Variants in PLEKHM3 observed in about 807,000 individuals in gnomAD.
The protein encoded by PLEKHM3 is pleckstrin homology domain-containing family M member 3.
PLEKHM3 carries 45 observed loss-of-function variants against 81.8 expected under a neutral mutation model. The observed-to-expected ratio is 0.55, with a 90% confidence interval of 0.43 to 0.71. PLEKHM3 has a LOEUF of 0.71. Ranked by LOEUF, PLEKHM3 falls within the 30% of genes least tolerant of loss-of-function variation. The pLI, the probability that PLEKHM3 is intolerant of heterozygous loss-of-function variation, is 0.00. For synonymous variants in PLEKHM3, 352 were observed against 356.4 expected (o/e 0.99, Z 0.14); for missense variants, 788 against 924.3 (o/e 0.85, Z 1.91).
Position 207,860,963 on chromosome 2 carries a change from C to G in PLEKHM3, c.2108+142G>C, listed in dbSNP as rs535220243. 184 of 945,600 alleles carry G rather than the reference C, an allele frequency of 1.9e-4. 1 individual carries two copies. The South Asian group carries it at 3.1e-3, about 16-fold the overall frequency. The allele number at this position is 945,600 out of a possible 1,614,324, so 58.6% of individuals were successfully genotyped here. ...AAATACAGGAAACCAAAGGGGGAAA[C>G]ATGTTCTCCAAGAACAAGGAAAACC... On this transcript the variant is annotated intron_variant, in intron 7 of 7. Transcript: ENST00000427836.
At chr2:207,923,880 C>CATATATATATAT (rs1226187210) in intron 5 of PLEKHM3, among the ~76,000 whole-genome samples, 1 of 56,770 alleles carries the variant, frequency 1.8e-5, no homozygotes, top group African/African-American at 7.1e-5. Flanking sequence ...CACACACACA[C>CATATATATATAT]ATATATATAT....
At chr2:207,915,384 C>T (rs962115707) in intron 5 of PLEKHM3, among the ~76,000 whole-genome samples, 3 of 152,044 alleles carry the variant, frequency 2.0e-5, no homozygotes, top group African/African-American at 7.2e-5. Flanking sequence ...GACATTAGGT[C>T]AAATAAATCA....
intron 6 of PLEKHM3, among the ~76,000 whole-genome samples, chr2:207,890,997 A>T (rs1221265341): frequency 3.3e-5 from 5 of 152,216 alleles, no homozygotes; most frequent in African/African-American, 1.2e-4. Flanking sequence ...TTTTCTTATC[A>T]GTAATGTGAA....
intron 2 of PLEKHM3, among the ~76,000 whole-genome samples, chr2:207,983,215 C>G (rs563081782): frequency 7.9e-5 from 12 of 152,186 alleles, no homozygotes; most frequent in African/African-American, 2.2e-4. Context: ...CCACGCCCAG[C>G]TAATTTTTTG....
At chr2:207,883,313 ATCAGAG>A (rs2105855678) in intron 6 of PLEKHM3, among the ~76,000 whole-genome samples, 2 of 152,362 alleles carry the variant, frequency 1.3e-5, no homozygotes, top group South Asian at 4.1e-4. Flanking sequence ...GCATCAAAAC[ATCAGAG>A]TCCAATGGTG....
intron 7 of PLEKHM3, among the ~76,000 whole-genome samples, chr2:207,852,356 A>G (rs1274196400): frequency 6.6e-6 from 1 of 152,190 alleles, no homozygotes; most frequent in Non-Finnish European, 1.5e-5. Context: ...GAAAAATTAG[A>G]TAAGATATGT....
chr2:207,976,784 G>A lies in PLEKHM3; in HGVS notation c.1413C>T (p.Asn471=). The A allele has an allele frequency of 1.2e-6, 2 of 1,614,246 alleles. No individual in the cohort carries two copies. The highest frequency in any genetic ancestry group is 1.7e-6 in the Non-Finnish European group (2 of 1,180,050). The change falls in exon 3 of 8, where the codon AAC becomes AAT. Residue 471 remains asparagine (N), a synonymous_variant. Transcript: ENST00000427836. This position sits in a 1 kb window ranked among gnomAD's most constrained non-coding sequence, Gnocchi z 4.1. The stretch of plus-strand genomic sequence containing the variant: ...GCCCACCCATTTGATCCTTGGGTTT[G>A]TTCCTCAGTGTGACTTGCAGGTTTT... The part of the protein sequence containing the change: ...SEQNLQVTLR[N]KPKDQMGGHE...
At chr2:207,880,156 C>G (rs1169136134) in intron 6 of PLEKHM3, among the ~76,000 whole-genome samples, 1 of 151,826 alleles carries the variant, frequency 6.6e-6, no homozygotes, top group African/African-American at 2.4e-5. Context: ...CCTGCAATCT[C>G]AGCACTTAGG....
chr2:207,990,170 T>C (rs1197320954), intron 2 of PLEKHM3, among the ~76,000 whole-genome samples: 2 of 152,176 alleles, frequency 1.3e-5, no homozygotes, highest in Non-Finnish European at 2.9e-5. Flanking sequence ...CCAACTTCCA[T>C]ATTTCTTATT....
chr2:207,863,937 C>CA (rs2092482004), intron 6 of PLEKHM3, among the ~76,000 whole-genome samples: 1 of 150,420 alleles, frequency 6.6e-6, no homozygotes. Flanking sequence ...ATTAGAAAAG[C>CA]AAAAACACAA....
rs564743169 is a variant in PLEKHM3, at chr2:207,985,600, T to C, written c.611-8014A>G. On this transcript the variant is annotated intron_variant, in intron 2 of 7. Transcript: ENST00000427836. ...AATAAATACATTCAGATAAAGTAAT[T>C]AGGTATGTTCACATATGTTAGCATA... 5.3e-5 allele frequency among the ~76,000 whole-genome samples: 8 copies of C among 152,190 alleles called. No individual in the cohort carries two copies. The South Asian group carries it at 1.0e-3, about 20-fold the overall frequency.
At chr2:207,860,616 C>T (rs1424723211) in intron 7 of PLEKHM3, among the ~76,000 whole-genome samples, 1 of 152,150 alleles carries the variant, frequency 6.6e-6, no homozygotes, top group Non-Finnish European at 1.5e-5. Context: ...TTTTTCTCTC[C>T]TTTGGATCCT....
chr2:207,940,743 A>AT (rs1187150454), intron 4 of PLEKHM3, among the ~76,000 whole-genome samples: 1 of 152,204 alleles, frequency 6.6e-6, no homozygotes, highest in Non-Finnish European at 1.5e-5. Flanking sequence ...TCAATGGGGA[A>AT]TGGTGAGGAG....
intron 5 of PLEKHM3, among the ~76,000 whole-genome samples, chr2:207,913,232 C>A (rs1688864897): frequency 6.6e-6 from 1 of 151,892 alleles, no homozygotes; most frequent in South Asian, 2.1e-4. Context: ...ACCTGTGAGT[C>A]CAAGTGGGCG....
chr2:207,916,572 C>T (rs191381801), intron 5 of PLEKHM3, among the ~76,000 whole-genome samples: 37 of 152,074 alleles, frequency 2.4e-4, no homozygotes, highest in African/African-American at 8.9e-4. Flanking sequence ...GAAACTCCAT[C>T]TCTTCTAAAA....
At chr2:208,022,798 A>G (rs1407662246) in intron 1 of PLEKHM3, among the ~76,000 whole-genome samples, 1 of 152,228 alleles carries the variant, frequency 6.6e-6, no homozygotes, top group Admixed American at 6.5e-5. Context: ...ACTGTGCCAC[A>G]TAACATAATT....
chr2:207,875,584 T>C (rs1030261082), intron 6 of PLEKHM3, among the ~76,000 whole-genome samples: 3 of 152,174 alleles, frequency 2.0e-5, no homozygotes, highest in Admixed American at 6.5e-5. Context: ...TTCACACAAG[T>C]GTACAGGGAA....
At chr2:207,949,643 T>C (rs1486554648) in intron 3 of PLEKHM3, among the ~76,000 whole-genome samples, 1 of 152,166 alleles carries the variant, frequency 6.6e-6, no homozygotes, top group Non-Finnish European at 1.5e-5. Flanking sequence ...TTTCCAAAAA[T>C]TAGTAGACAA....
At position 207,827,569 on chromosome 2, in the gene PLEKHM3, C is replaced by T. The variant is rs745600753; in HGVS notation, c.*750G>A. On this transcript the variant is annotated 3_prime_UTR_variant, in exon 8 of 8. Transcript: ENST00000427836. ...ATTAGGTGGGTGATGGGATTAGTAC[C>T]GAAAAACAGACCGACAACACGCAGT... 5 of 152,150 alleles carry T rather than the reference C, an allele frequency of 3.3e-5. No individual in the cohort carries two copies. Among genetic ancestry groups the T allele is most frequent in the Non-Finnish European group, 7.3e-5 (5 of 68,030 alleles). 9.4% of individuals were successfully genotyped at this position (152,150 alleles called of 1,614,324 possible).
Sources: gnomAD v4.1 joint callset for allele counts (sites outside exome capture counted in the v4.1 genomes callset) on GRCh38, gnomAD v4.1.1 for gene constraint, Gnocchi (gnomAD v3.1) non-coding constraint, MANE v1.5 for transcripts, NCBI Gene and HGNC (gene_info 2026-07-23, HGNC 2026-07-21) for gene names.